Variants in EYS observed in about 807,000 individuals in gnomAD.
The protein encoded by EYS is EGF-like photoreceptor maintenance factor.
In EYS, 250 loss-of-function variants were observed where a neutral mutation model predicts 282.1. The observed-to-expected ratio is 0.89, with a 90% CI of 0.80 to 0.98. The LOEUF is 0.98. Ranked by LOEUF, EYS falls within the 50% of genes least tolerant of loss-of-function variation. The pLI, the probability that EYS is intolerant of heterozygous loss-of-function variation, is 0.00. For synonymous variants in EYS, 1,355 were observed against 1,282.9 expected (o/e 1.06, Z -1.20); for missense variants, 4,016 against 3,709.0 (o/e 1.08, Z -2.15).
At chr6:64,452,920 A>C (rs1373156828) in intron 26 of EYS, among the ~76,000 whole-genome samples, 1 of 152,228 alleles carries the variant, frequency 6.6e-6, no homozygotes, top group South Asian at 2.1e-4. Flanking sequence ...AAGAAAACCT[A>C]GGCAATACCA....
At chr6:65,472,709 T>C (rs1448537034) in intron 5 of EYS, among the ~76,000 whole-genome samples, 1 of 151,998 alleles carries the variant, frequency 6.6e-6, no homozygotes, top group Non-Finnish European at 1.5e-5. Flanking sequence ...AAACTACGTA[T>C]ATTTCTGTAT....
intron 39 of EYS, 166 bp from the exon 40 acceptor site, chr6:63,778,346 T>A (rs748135439): frequency 2.2e-5 from 15 of 669,046 alleles, no homozygotes; most frequent in Admixed American, 5.8e-5. Flanking sequence ...AATTTTTTTT[T>A]AAAAGTCATT....
intron 10 of EYS, among the ~76,000 whole-genome samples, chr6:65,343,101 A>G (rs10498831): frequency 0.11 from 17,219 of 151,170 alleles, 1,309 homozygotes; most frequent in East Asian, 0.27. Flanking sequence ...ACTTGTAAAC[A>G]TATATCAAAA....
At chr6:63,871,812 A>AC (rs1772812564) in intron 35 of EYS, among the ~76,000 whole-genome samples, 1 of 152,062 alleles carries the variant, frequency 6.6e-6, no homozygotes, top group African/African-American at 2.4e-5. Context: ...GGCACTTGGG[A>AC]CACTGAAGGA....
chr6:64,627,818 G>A (rs866595158), intron 22 of EYS, among the ~76,000 whole-genome samples: 11 of 152,266 alleles, frequency 7.2e-5, no homozygotes, highest in Admixed American at 3.3e-4. Context: ...GGTGGCTCAC[G>A]CCTGTAATCC....
At chr6:65,134,469 C>T (rs980814819) in intron 12 of EYS, among the ~76,000 whole-genome samples, 2 of 151,984 alleles carry the variant, frequency 1.3e-5, no homozygotes, top group African/African-American at 4.8e-5. Flanking sequence ...AGCTGGAGGC[C>T]ATCATCCTTA....
At chr6:64,012,558 T>C (rs368887899) in intron 33 of EYS, among the ~76,000 whole-genome samples, 18 of 152,282 alleles carry the variant, frequency 1.2e-4, no homozygotes, top group African/African-American at 4.1e-4. Context: ...ACATGGAAAA[T>C]ATATTTCAAA....
chr6:65,534,263 T>A (rs574727953), intron 2 of EYS, among the ~76,000 whole-genome samples: 1 of 152,270 alleles, frequency 6.6e-6, no homozygotes, highest in South Asian at 2.1e-4. Flanking sequence ...GTTCTGCACA[T>A]CTGCTCTCTA....
chr6:64,803,155 C>T (rs1008071907), intron 22 of EYS, among the ~76,000 whole-genome samples: 1 of 152,140 alleles, frequency 6.6e-6, no homozygotes, highest in Admixed American at 6.5e-5. Flanking sequence ...TTAGGAGGCC[C>T]GAAGTGGGTA....
chr6:64,821,053 T>A (rs80044072), intron 21 of EYS, among the ~76,000 whole-genome samples: 6,132 of 151,976 alleles, frequency 0.04, 155 homozygotes, highest in East Asian at 0.097. Flanking sequence ...CTCACAAGAT[T>A]CTCATCCACC....
chr6:65,075,808 T>C (rs1477862988), intron 12 of EYS, among the ~76,000 whole-genome samples: 1 of 151,954 alleles, frequency 6.6e-6, no homozygotes, highest in Non-Finnish European at 1.5e-5. Flanking sequence ...CTCTAGTGAG[T>C]TGAAAAGTTT....
At chr6:64,714,266 T>C (rs74588148) in intron 22 of EYS, among the ~76,000 whole-genome samples, 1,935 of 152,292 alleles carry the variant, frequency 0.013, 16 homozygotes, top group Non-Finnish European at 0.02. Flanking sequence ...TGGGTGATTA[T>C]ATTAATAACC....
intron 30 of EYS, among the ~76,000 whole-genome samples, chr6:64,275,894 G>T (rs925568843): frequency 6.6e-6 from 1 of 151,742 alleles, no homozygotes; most frequent in East Asian, 2.0e-4. Flanking sequence ...GACTCCAGGG[G>T]GCAGAGGTAG....
intron 26 of EYS, among the ~76,000 whole-genome samples, chr6:64,446,344 T>A (rs1775116572): frequency 1.3e-5 from 2 of 152,154 alleles, no homozygotes; most frequent in South Asian, 4.1e-4. Context: ...GTTTTTTTAA[T>A]AGACTAGAAA....
intron 31 of EYS, among the ~76,000 whole-genome samples, chr6:64,144,839 A>G (rs1444977849): frequency 6.6e-6 from 1 of 152,154 alleles, no homozygotes; most frequent in Admixed American, 6.6e-5. Flanking sequence ...CGTGTTGGGG[A>G]TGGATGGAAA....
At chr6:64,836,995 A>C (rs1765401714) in intron 19 of EYS, among the ~76,000 whole-genome samples, 1 of 151,704 alleles carries the variant, frequency 6.6e-6, no homozygotes, top group South Asian at 2.1e-4. Flanking sequence ...TGGAAATTTA[A>C]TGAATGGCAT....
chr6:64,403,010 T>C (rs1773586560), intron 28 of EYS, among the ~76,000 whole-genome samples: 1 of 152,174 alleles, frequency 6.6e-6, no homozygotes, highest in Non-Finnish European at 1.5e-5. Flanking sequence ...ATTCTAATTA[T>C]ATTATATTTC....
intron 37 of EYS, among the ~76,000 whole-genome samples, chr6:63,802,549 T>C (rs1770806584): frequency 6.6e-6 from 1 of 152,154 alleles, no homozygotes; most frequent in African/African-American, 2.4e-5. Context: ...AATTTTTGAT[T>C]CAAGAAGGCC....
chr6:64,257,913 G>C (rs998757075), intron 30 of EYS, among the ~76,000 whole-genome samples: 1 of 151,922 alleles, frequency 6.6e-6, no homozygotes, highest in Non-Finnish European at 1.5e-5. Context: ...CAACTAAAAA[G>C]ATCCTGATTA....
Sources: gnomAD v4.1 joint callset for allele counts (sites outside exome capture counted in the v4.1 genomes callset) on GRCh38, gnomAD v4.1.1 for gene constraint, MANE v1.5 for transcripts, NCBI Gene and HGNC (gene_info 2026-07-23, HGNC 2026-07-21) for gene names.